Variants in ELMO1 observed in about 807,000 individuals in gnomAD.
ELMO1 encodes the protein engulfment and cell motility 1, also known as engulfment and cell motility protein 1.
Under a neutral mutation model 98.9 loss-of-function variants are expected in ELMO1, and 26 were observed. That is an observed-to-expected ratio of 0.26 (90% confidence interval 0.19 to 0.36). ELMO1 has a LOEUF of 0.36. ELMO1 is among the 10% of genes least tolerant of loss of function. The probability of loss-of-function intolerance (pLI) is 1.00; values close to 1 mark genes in which losing one functional copy is unlikely to be tolerated. For synonymous variants in ELMO1, 346 were observed against 346.0 expected, an observed-to-expected ratio of 1.00 and a Z score of 0.00; for missense variants, 627 against 935.2, an observed-to-expected ratio of 0.67 and a Z score of 4.30.
Position 37,269,421 on chromosome 7 carries a change from G to C in ELMO1, c.243+2411C>G, listed in dbSNP as rs535595094. The C allele has an allele frequency of 3.3e-5, 5 of 150,226 alleles. No homozygotes were observed. The East Asian group carries it at 9.7e-4, about 29-fold the overall frequency. 9.3% of individuals were successfully genotyped at this position (150,226 alleles called of 1,614,324 possible). ...AATGTAAGCCAGTCTTTTGTAGCTGGGCTCCTATCTTTTTTTTTTTTTTTT... is the reference window on the plus strand; with the variant it reads ...AATGTAAGCCAGTCTTTTGTAGCTGCGCTCCTATCTTTTTTTTTTTTTTTT... On this transcript the variant is annotated intron_variant, in intron 5 of 21. Coordinates refer to ENST00000310758, the MANE Select transcript of ELMO1 (RefSeq NM_014800.11).
chr7:37,334,529 T>C (rs891623278), intron 2 of ELMO1, among the ~76,000 whole-genome samples: 9 of 152,270 alleles, frequency 5.9e-5, no homozygotes, highest in Admixed American at 1.3e-4. Context: ...CCTAGCTGAG[T>C]AATCTTGGGC....
chr7:37,055,167 C>T (rs1399108321), intron 15 of ELMO1, among the ~76,000 whole-genome samples: 2 of 152,296 alleles, frequency 1.3e-5, no homozygotes, highest in African/African-American at 4.8e-5. Flanking sequence ...GCTTCTGTGA[C>T]CAGTGGATGC....
At chr7:36,868,871 C>T (rs1803269960) in intron 20 of ELMO1, among the ~76,000 whole-genome samples, 1 of 152,196 alleles carries the variant, frequency 6.6e-6, no homozygotes, top group African/African-American at 2.4e-5. Flanking sequence ...ACACTGTTTC[C>T]AGCTCAGCCC....
intron 14 of ELMO1, among the ~76,000 whole-genome samples, chr7:37,121,894 G>A (rs1161416941): frequency 6.6e-6 from 1 of 152,132 alleles, no homozygotes; most frequent in Non-Finnish European, 1.5e-5. Flanking sequence ...AGAAAGGACG[G>A]GTTACCCACA....
chr7:37,334,164 G>A (rs1216886170), intron 2 of ELMO1, among the ~76,000 whole-genome samples: 2 of 152,148 alleles, frequency 1.3e-5, no homozygotes, highest in Non-Finnish European at 2.9e-5. Flanking sequence ...TTCTGATACA[G>A]AAGCAAGCTC....
At chr7:36,935,293 T>A (rs2129088308) in intron 16 of ELMO1, among the ~76,000 whole-genome samples, 1 of 152,288 alleles carries the variant, frequency 6.6e-6, no homozygotes, top group East Asian at 1.9e-4. Flanking sequence ...TGGTGAGGCC[T>A]CCCCAGCCAT....
intron 16 of ELMO1, among the ~76,000 whole-genome samples, chr7:36,958,886 C>T (rs1259812871): frequency 6.6e-6 from 1 of 151,944 alleles, no homozygotes; most frequent in Non-Finnish European, 1.5e-5. Flanking sequence ...TGAACAACTA[C>T]AAATTATGTC....
chr7:36,878,571 G>A (rs144052525), intron 18 of ELMO1, among the ~76,000 whole-genome samples: 1 of 152,256 alleles, frequency 6.6e-6, no homozygotes, highest in Non-Finnish European at 1.5e-5. Flanking sequence ...CCAGATTTTA[G>A]CTGATACAAC....
At chr7:37,147,463 T>C (rs990694436) in intron 13 of ELMO1, among the ~76,000 whole-genome samples, 1 of 152,088 alleles carries the variant, frequency 6.6e-6, no homozygotes, top group Admixed American at 6.5e-5. Flanking sequence ...ATACCCCAGG[T>C]TCAATGAAGC....
intron 18 of ELMO1, among the ~76,000 whole-genome samples, chr7:36,881,174 A>T (rs1251748447): frequency 6.6e-6 from 1 of 152,180 alleles, no homozygotes; most frequent in Non-Finnish European, 1.5e-5. Flanking sequence ...ACTTGTCTTG[A>T]CTCATAATCA....
intron 5 of ELMO1, among the ~76,000 whole-genome samples, chr7:37,267,036 TATACACACACACACACACAC>T (rs1796296403): frequency 3.7e-5 from 1 of 26,934 alleles, no homozygotes; most frequent in African/African-American, 1.6e-4. Flanking sequence ...AATATGTATA[TATACACACACACACACACAC>T]ACACACACAC....
At chr7:36,883,508 C>T (rs1009078513) in intron 18 of ELMO1, among the ~76,000 whole-genome samples, 5 of 152,252 alleles carry the variant, frequency 3.3e-5, no homozygotes, top group Middle Eastern at 3.4e-3. Flanking sequence ...GTGGAATGCT[C>T]ATGAATGTTT....
At chr7:37,008,336 C>T (rs1284934359) in intron 16 of ELMO1, among the ~76,000 whole-genome samples, 1 of 152,324 alleles carries the variant, frequency 6.6e-6, no homozygotes, top group East Asian at 1.9e-4. Context: ...CCGTGTGTTT[C>T]ACACGGGAAA....
chr7:37,442,844 G>A (rs1943894548), intron 1 of ELMO1, among the ~76,000 whole-genome samples: 1 of 152,200 alleles, frequency 6.6e-6, no homozygotes, highest in Non-Finnish European at 1.5e-5. Context: ...GGCCTCAGAG[G>A]CTGGCAAGTC....
At chr7:36,907,942 A>T (rs1354979342) in intron 16 of ELMO1, among the ~76,000 whole-genome samples, 1 of 152,206 alleles carries the variant, frequency 6.6e-6, no homozygotes, top group African/African-American at 2.4e-5. Context: ...TACCTAACAC[A>T]CAGGACGGGT....
At chr7:37,025,822 T>A (rs957532300) in intron 15 of ELMO1, among the ~76,000 whole-genome samples, 9 of 151,098 alleles carry the variant, frequency 6.0e-5, no homozygotes, top group Non-Finnish European at 1.0e-4. Flanking sequence ...TACATACATA[T>A]ATATCATATA....
chr7:37,404,096 A>C (rs1399269807), intron 1 of ELMO1, among the ~76,000 whole-genome samples: 1 of 152,148 alleles, frequency 6.6e-6, no homozygotes, highest in Non-Finnish European at 1.5e-5. Context: ...GAAAAAAAGC[A>C]AGAGAAAATG....
chr7:37,219,491 C>T (rs748120764), intron 10 of ELMO1, among the ~76,000 whole-genome samples: 4 of 152,086 alleles, frequency 2.6e-5, no homozygotes, highest in African/African-American at 9.7e-5. Context: ...ACAGATACAA[C>T]AAAAAACAAA....
At chr7:36,927,574 A>AT (rs1173638919) in intron 16 of ELMO1, among the ~76,000 whole-genome samples, 1 of 152,182 alleles carries the variant, frequency 6.6e-6, no homozygotes, top group East Asian at 1.9e-4. Flanking sequence ...GTAAGCTATA[A>AT]TTTTCCCTTG....
Sources: allele counts gnomAD v4.1 joint callset (sites outside exome capture counted in the v4.1 genomes callset), GRCh38; gene constraint gnomAD v4.1.1; transcripts MANE v1.5; gene names NCBI Gene and HGNC (gene_info 2026-07-23, HGNC 2026-07-21).